The following CLCN3 variants were observed in gnomAD, a reference collection of about 807,000 sequenced individuals.
CLCN3 encodes H(+)/Cl(-) exchange transporter 3.
CLCN3 carries 16 observed loss-of-function variants against 83.4 expected under a neutral mutation model. The ratio of observed to expected loss-of-function variants is 0.19; its 90% CI spans 0.13 to 0.29. The LOEUF (loss-of-function observed/expected upper bound fraction) is 0.29, where lower values mean the gene tolerates loss of function less well. CLCN3 is among the 10% of genes least tolerant of loss of function. The pLI is 1.00. For missense variants in CLCN3, 544 were observed against 1,006.0 expected (o/e 0.54, Z 6.21); for synonymous variants, 322 against 346.2 (o/e 0.93, Z 0.78).
At chr4:169,624,334 A>T (rs1032488313) in intron 1 of CLCN3, among the ~76,000 whole-genome samples, 1 of 152,164 alleles carries the variant, frequency 6.6e-6, no homozygotes, top group African/African-American at 2.4e-5. Context: ...AGGTTTTACC[A>T]TGTTGGCCAG....
intron 3 of CLCN3, among the ~76,000 whole-genome samples, chr4:169,685,443 T>G (rs986749335): frequency 3.3e-5 from 5 of 152,224 alleles, no homozygotes; most frequent in Non-Finnish European, 7.3e-5. Context: ...TTCTGATTTT[T>G]AAAAATATAA....
chr4:169,717,490 T>G (rs1733471126), intron 12 of CLCN3, among the ~76,000 whole-genome samples: 1 of 152,154 alleles, frequency 6.6e-6, no homozygotes, highest in Non-Finnish European at 1.5e-5. Flanking sequence ...CAATATTAAG[T>G]TTCTTTTGTA....
chr4:169,630,404 T>C (rs1486888963), intron 1 of CLCN3, among the ~76,000 whole-genome samples: 1 of 152,244 alleles, frequency 6.6e-6, no homozygotes, highest in African/African-American at 2.4e-5. Context: ...TGTTACTGTG[T>C]TAATTCACTT....
In CLCN3 at chr4:169,722,833, A is replaced by G. The variant is rs977791435; in HGVS notation, c.*2836A>G. The G allele has an allele frequency of 6.6e-6, 1 of 152,034 alleles. No individual in the cohort carries two copies. The highest frequency in any genetic ancestry group is 2.4e-5 in the African/African-American group (1 of 41,388). 9.4% of individuals were successfully genotyped at this position (152,034 alleles called of 1,614,324 possible). The stretch of plus-strand genomic sequence containing the variant: ...TCTGTTCCATTTTTCTTTTTCATAC[A>G]TTGAAGTGTGTCTCCTTTTCAACCA... On this transcript the variant is annotated 3_prime_UTR_variant, in exon 13 of 13. Transcript: ENST00000513761.
chr4:169,689,397 T>G (rs1732279990), intron 5 of CLCN3, among the ~76,000 whole-genome samples, 167 bp downstream of exon 5: 1 of 152,218 alleles, frequency 6.6e-6, no homozygotes, highest in African/African-American at 2.4e-5. Context: ...TTGTTTCAAG[T>G]AGCTTTTTTA....
chr4:169,663,314 T>TTTG (rs71590022), intron 2 of CLCN3, among the ~76,000 whole-genome samples: 217 of 131,152 alleles, frequency 1.7e-3, no homozygotes, highest in African/African-American at 7.0e-3. Context: ...AGTGGGTTTT[T>TTTG]TTGTTGTTGT....
rs559919032 is a variant in CLCN3 at position 169,632,716 on chromosome 4, CAAAAAAAAAAAAA to C, written c.-16-3183_-16-3171del. 4.6e-4 allele frequency among the ~76,000 whole-genome samples: 15 copies of C among 32,280 alleles called. No homozygotes were observed. In the Admixed American group the frequency reaches 6.1e-3, roughly 13 times the overall value. The allele number at this position is 32,280 out of a possible 152,430, so 21.2% of individuals were successfully genotyped here. A position where few individuals can be genotyped will look rare whatever the true frequency, so the allele number is the denominator to read the frequency against. On this transcript the variant is annotated intron_variant, in intron 1 of 12. Coordinates refer to ENST00000513761, the MANE Select transcript of CLCN3 (RefSeq NM_001829.4). ...TGGGTGACAGAGCGAGACTCCATCTCAAAAAAAAAAAAAAAAAAAAAAAAAAGTGCTGGGGAAC... is the reference window on the plus strand; with the variant it reads ...TGGGTGACAGAGCGAGACTCCATCTCAAAAAAAAAAAAAGTGCTGGGGAAC...
At chr4:169,669,728 C>T (rs570579840) in intron 2 of CLCN3, among the ~76,000 whole-genome samples, 1 of 152,248 alleles carries the variant, frequency 6.6e-6, no homozygotes, top group South Asian at 2.1e-4. Flanking sequence ...ACTTGATTCC[C>T]TTTTTTCTCC....
rs1560868889 is a variant in CLCN3, at chr4:169,702,329, C to T, written c.1564-1669C>T. Among the ~76,000 whole-genome samples, 11 of 152,262 alleles carry T rather than the reference C, an allele frequency of 7.2e-5. No homozygotes were observed. The South Asian group carries it at 2.3e-3, about 32-fold the overall frequency. Reference sequence around the variant, plus strand: ...TGTAGCCATAGGAAATGCATTTCTTCAGTAAAACTTAAAAGTCAAAATTAG... The same window carrying T: ...TGTAGCCATAGGAAATGCATTTCTTTAGTAAAACTTAAAAGTCAAAATTAG... On this transcript the variant is annotated intron_variant, in intron 9 of 12. Transcript: ENST00000513761.
intron 10 of CLCN3, among the ~76,000 whole-genome samples, chr4:169,704,954 A>G (rs957153776): frequency 3.1e-4 from 47 of 152,360 alleles, no homozygotes; most frequent in African/African-American, 1.0e-3. Flanking sequence ...TTAAATGTCC[A>G]CTTTCTTTTT....
intron 2 of CLCN3, among the ~76,000 whole-genome samples, chr4:169,646,165 C>G (rs1471034468): frequency 1.3e-5 from 2 of 152,220 alleles, no homozygotes; most frequent in Admixed American, 1.3e-4. Flanking sequence ...TTACAAATGT[C>G]TAATATATTG....
intron 2 of CLCN3, among the ~76,000 whole-genome samples, chr4:169,649,614 A>G (rs1182443850): frequency 2.0e-5 from 3 of 152,262 alleles, no homozygotes; most frequent in African/African-American, 7.2e-5. Flanking sequence ...TTTCTAGCAC[A>G]TGCAGTTGGT....
rs1396711495 is a variant in CLCN3, at chr4:169,704,278, T to C, written c.1750+94T>C. ...CATTCTTGCTTAATTGGTGGGCGGA[T>C]TGGTTGAGTAAAGGAGGGTGCCAGG... is the stretch of plus-strand genomic sequence containing the variant. On this transcript the variant is annotated intron_variant, in intron 10 of 12. Coordinates refer to ENST00000513761, the MANE Select transcript of CLCN3 (RefSeq NM_001829.4). 4.2e-6 allele frequency: 5 copies of C among 1,197,378 alleles called. No individual in the cohort carries two copies. In the African/African-American group the frequency reaches 6.0e-5, roughly 14 times the overall value. 74.2% of individuals were successfully genotyped at this position (1,197,378 alleles called of 1,614,324 possible). A position where few individuals can be genotyped will look rare whatever the true frequency, so the allele number is the denominator to read the frequency against.
intron 2 of CLCN3, among the ~76,000 whole-genome samples, chr4:169,675,356 C>G (rs1357585375): frequency 1.3e-5 from 2 of 152,172 alleles, no homozygotes; most frequent in Non-Finnish European, 2.9e-5. Flanking sequence ...AGTTCAGATT[C>G]TGGCTTTAAC....
intron 1 of CLCN3, among the ~76,000 whole-genome samples, chr4:169,632,947 T>A (rs116415981): frequency 0.01 from 1,542 of 152,264 alleles, 23 homozygotes; most frequent in African/African-American, 0.035. Flanking sequence ...TGCACGTAGA[T>A]AATATAGGAA....
intron 2 of CLCN3, chr4:169,659,946 CT>C (rs750252174): frequency 4.8e-4 from 318 of 659,644 alleles, no homozygotes; most frequent in Admixed American, 7.6e-4. Flanking sequence ...CTCTGTATTA[CT>C]TTTTCCCCTT....
chr4:169,634,732 T>C (rs1252579990), intron 1 of CLCN3, among the ~76,000 whole-genome samples: 3 of 152,186 alleles, frequency 2.0e-5, no homozygotes, highest in Non-Finnish European at 2.9e-5. Flanking sequence ...CTGAATACAT[T>C]TCTCTTTTTG....
intron 2 of CLCN3, among the ~76,000 whole-genome samples, chr4:169,672,443 G>A (rs1236990340): frequency 6.6e-6 from 1 of 151,046 alleles, no homozygotes; most frequent in Non-Finnish European, 1.5e-5. Flanking sequence ...CCCAGCCTTT[G>A]ATATATTATT....
At chr4:169,644,490 C>T (rs1247611213) in intron 2 of CLCN3, among the ~76,000 whole-genome samples, 1 of 152,116 alleles carries the variant, frequency 6.6e-6, no homozygotes, top group Non-Finnish European at 1.5e-5. Context: ...GATCCGCCCG[C>T]CTCAGCCTCC....
Sources: allele counts gnomAD v4.1 joint callset (sites outside exome capture counted in the v4.1 genomes callset), GRCh38; gene constraint gnomAD v4.1.1; transcripts MANE v1.5; gene names NCBI Gene and HGNC (gene_info 2026-07-23, HGNC 2026-07-21).